The following ASAP2 variants were observed in gnomAD, a reference collection of about 807,000 sequenced individuals.
ASAP2 encodes the protein ArfGAP with SH3 domain, ankyrin repeat and PH domain 2.
In ASAP2, 45 loss-of-function variants were observed where a neutral mutation model predicts 131.4. The observed-to-expected ratio is 0.34, with a 90% CI of 0.27 to 0.44. The LOEUF (loss-of-function observed/expected upper bound fraction) is 0.44, where lower values mean the gene tolerates loss of function less well. ASAP2 is among the 20% of genes least tolerant of loss of function. The probability of loss-of-function intolerance (pLI) is 1.00; values close to 1 mark genes in which losing one functional copy is unlikely to be tolerated. For missense variants in ASAP2, 1,011 were observed against 1,297.0 expected, an observed-to-expected ratio of 0.78 and a Z score of 3.39; for synonymous variants, 510 against 503.0, an observed-to-expected ratio of 1.01 and a Z score of -0.19.
chr2:9,347,611 T>G (rs1359078381), intron 11 of ASAP2, among the ~76,000 whole-genome samples: 1 of 152,186 alleles, frequency 6.6e-6, no homozygotes, highest in Non-Finnish European at 1.5e-5. Flanking sequence ...GTATTCTGAT[T>G]GGAGCAGAGG....
intron 1 of ASAP2, among the ~76,000 whole-genome samples, chr2:9,262,459 G>A (rs1231002562): frequency 1.3e-5 from 2 of 152,152 alleles, no homozygotes; most frequent in African/African-American, 4.8e-5. Flanking sequence ...CTGTGAGGCA[G>A]GTATTGTTAT....
chr2:9,375,377 AG>A (rs1457082971), intron 17 of ASAP2, among the ~76,000 whole-genome samples: 5 of 152,114 alleles, frequency 3.3e-5, no homozygotes, highest in African/African-American at 1.2e-4. Flanking sequence ...CGGCACGGAG[AG>A]GGGTACTGGG....
chr2:9,275,958 G>T (rs568026229), intron 1 of ASAP2, among the ~76,000 whole-genome samples: 1 of 152,348 alleles, frequency 6.6e-6, no homozygotes, highest in South Asian at 2.1e-4. Context: ...CGTGCTGGTA[G>T]CTGCTGTAGT....
intron 15 of ASAP2, among the ~76,000 whole-genome samples, chr2:9,366,984 C>T (rs568183990): frequency 5.3e-5 from 8 of 151,934 alleles, no homozygotes; most frequent in African/African-American, 1.9e-4. Context: ...CAGGCTGCAG[C>T]AGCCTCTCCC....
intron 15 of ASAP2, among the ~76,000 whole-genome samples, chr2:9,363,501 G>A (rs749444603): frequency 6.6e-6 from 1 of 152,180 alleles, no homozygotes; most frequent in Non-Finnish European, 1.5e-5. Flanking sequence ...GATGATCGTG[G>A]TTTTAATTTG....
At chr2:9,223,488 T>C (rs1662564961) in intron 1 of ASAP2, among the ~76,000 whole-genome samples, 1 of 152,216 alleles carries the variant, frequency 6.6e-6, no homozygotes, top group Admixed American at 6.5e-5. Context: ...TGATGCTTTG[T>C]TAGATTTTGG....
chr2:9,320,456 C>G (rs532160676), intron 5 of ASAP2, 119 bp downstream of exon 5: 1 of 724,284 alleles, frequency 1.4e-6, no homozygotes, highest in Non-Finnish European at 2.3e-6. Context: ...GAATGTTTAT[C>G]AGCCATGTTG....
rs146973120 is a variant in ASAP2 at position 9,383,724 on chromosome 2, C to T, written c.2017-1521C>T. 2.3e-3 allele frequency among the ~76,000 whole-genome samples: 343 copies of T among 152,196 alleles called. 6 individuals are homozygous for T. The highest frequency in any genetic ancestry group is 2.7e-3 in the East Asian group (14 of 5,186). On this transcript the variant is annotated intron_variant, in intron 20 of 27. Coordinates refer to ENST00000281419, the MANE Select transcript of ASAP2 (RefSeq NM_003887.3). ...TTCACATGCACACGTATGTTTATTGCGGCACTATTCACAATAGCAGAGAGA... is the reference window on the plus strand; with the variant it reads ...TTCACATGCACACGTATGTTTATTGTGGCACTATTCACAATAGCAGAGAGA...
At chr2:9,257,251 T>C (rs1006310119) in intron 1 of ASAP2, among the ~76,000 whole-genome samples, 12 of 152,148 alleles carry the variant, frequency 7.9e-5, no homozygotes, top group Admixed American at 6.5e-5. Flanking sequence ...GTTCAGCTAA[T>C]GAAAAGTCTC....
chr2:9,363,163 T>C (rs1673220601), intron 15 of ASAP2, among the ~76,000 whole-genome samples: 1 of 152,226 alleles, frequency 6.6e-6, no homozygotes, highest in African/African-American at 2.4e-5. Flanking sequence ...TTCCATTATG[T>C]ATATATACCA....
chr2:9,402,241 C>T (rs534603982), intron 27 of ASAP2, among the ~76,000 whole-genome samples: 8 of 152,328 alleles, frequency 5.3e-5, no homozygotes, highest in South Asian at 2.1e-4. Flanking sequence ...CCTCCAGAGG[C>T]GCTGTGAGCT....
At chr2:9,282,001 C>T (rs1192101407) in intron 2 of ASAP2, among the ~76,000 whole-genome samples, 1 of 152,176 alleles carries the variant, frequency 6.6e-6, no homozygotes, top group Non-Finnish European at 1.5e-5. Context: ...TGCCTTCTTC[C>T]CTCTGCTCAT....
At chr2:9,326,590 A>G (rs560060796) in intron 6 of ASAP2, among the ~76,000 whole-genome samples, 4 of 152,222 alleles carry the variant, frequency 2.6e-5, no homozygotes, top group Non-Finnish European at 5.9e-5. Flanking sequence ...TACTTATCCA[A>G]AGATAACCAC....
chr2:9,237,108 G>A (rs1190854473), intron 1 of ASAP2, among the ~76,000 whole-genome samples: 3 of 152,260 alleles, frequency 2.0e-5, no homozygotes, highest in Non-Finnish European at 2.9e-5. Flanking sequence ...TTGGCTGTGC[G>A]GGCTGGGAAT....
chr2:9,353,346 C>T (rs977476731), intron 12 of ASAP2, among the ~76,000 whole-genome samples: 3 of 152,094 alleles, frequency 2.0e-5, no homozygotes, highest in Non-Finnish European at 4.4e-5. Context: ...GGGAGGATTG[C>T]TTGAGGTCAG....
intron 1 of ASAP2, among the ~76,000 whole-genome samples, chr2:9,236,792 A>AT (rs944528857): frequency 9.9e-5 from 15 of 150,936 alleles, no homozygotes; most frequent in Admixed American, 2.6e-4. Context: ...GCACAGTTAA[A>AT]TTTTTTTTTT....
chr2:9,279,026 G>A (rs1666944840), intron 1 of ASAP2, among the ~76,000 whole-genome samples: 1 of 152,196 alleles, frequency 6.6e-6, no homozygotes, highest in African/African-American at 2.4e-5. Flanking sequence ...CTCACGTCCA[G>A]CAGGTGCTGT....
At chr2:9,224,449 T>G (rs1026706221) in intron 1 of ASAP2, among the ~76,000 whole-genome samples, 1 of 152,238 alleles carries the variant, frequency 6.6e-6, no homozygotes, top group Non-Finnish European at 1.5e-5. Flanking sequence ...CAGCTAATCT[T>G]GTTGATTTGT....
At chr2:9,303,317 A>T (rs1558311770) in intron 3 of ASAP2, among the ~76,000 whole-genome samples, 1 of 152,120 alleles carries the variant, frequency 6.6e-6, no homozygotes, top group Non-Finnish European at 1.5e-5. Context: ...TCCGTTTCTG[A>T]CATTTGCTTT....
Sources: allele counts gnomAD v4.1 joint callset (sites outside exome capture counted in the v4.1 genomes callset), GRCh38; gene constraint gnomAD v4.1.1; transcripts MANE v1.5; gene names NCBI Gene and HGNC (gene_info 2026-07-23, HGNC 2026-07-21).